CNOT11: variants seen among roughly 807,000 people sequenced by gnomAD.
CNOT11 encodes CCR4-NOT transcription complex subunit 11.
Under a neutral mutation model 44.6 loss-of-function variants are expected in CNOT11, and 18 were observed. The ratio of observed to expected loss-of-function variants is 0.40; its 90% CI spans 0.28 to 0.60. CNOT11 has a LOEUF of 0.60. CNOT11 is among the 20% of genes least tolerant of loss of function. The pLI is 0.38. For missense variants in CNOT11, 513 were observed against 677.0 expected, an observed-to-expected ratio of 0.76 and a Z score of 2.69; for synonymous variants, 291 against 270.9, an observed-to-expected ratio of 1.07 and a Z score of -0.73.
intron 1 of CNOT11, among the ~76,000 whole-genome samples, chr2:101,255,223 C>T (rs911097110): frequency 6.6e-6 from 1 of 151,752 alleles, no homozygotes; most frequent in Non-Finnish European, 1.5e-5. Flanking sequence ...GGGCTGGGCG[C>T]GGTGGCTCAC....
Position 101,253,540 on chromosome 2 carries a change from G to C in CNOT11, c.514+62G>C. On this transcript the variant is annotated intron_variant, in intron 1 of 6. Transcript: ENST00000289382. This position sits in a 1 kb window ranked among gnomAD's most constrained non-coding sequence, Gnocchi z 4.3. ...TTAGATTCCGCAGCTTTCCACCTGC[G>C]CTGCTGGGAACTCACCTGAAAGGGA... 1 of 1,334,334 alleles carries C rather than the reference G, an allele frequency of 7.5e-7. No individual in the cohort carries two copies. 82.7% of individuals were successfully genotyped at this position (1,334,334 alleles called of 1,614,324 possible).
At chr2:101,264,047 T>C (rs1428699922) in intron 3 of CNOT11, among the ~76,000 whole-genome samples, 1 of 152,208 alleles carries the variant, frequency 6.6e-6, no homozygotes, top group African/African-American at 2.4e-5. Context: ...AACTAAAAAA[T>C]ATTTTCTGTA....
chr2:101,266,933 A>C, intron 5 of CNOT11, 54 bp downstream of exon 5: 1 of 1,323,462 alleles, frequency 7.6e-7, no homozygotes, highest in Non-Finnish European at 1.1e-6. Context: ...TTAGATGGCC[A>C]GGAAAGAAAA....
At position 101,270,254 on chromosome 2, in the gene CNOT11, C is replaced by A. The variant is rs922307685; in HGVS notation, c.*841C>A. 1.3e-5 allele frequency: 2 copies of A among 152,420 alleles called. No homozygotes were observed. Among genetic ancestry groups the A allele is most frequent in the Admixed American group, 1.3e-4 (2 of 15,260 alleles). The allele number at this position is 152,420 out of a possible 1,614,324, so 9.4% of individuals were successfully genotyped here. On this transcript the variant is annotated 3_prime_UTR_variant, in exon 7 of 7. Transcript: ENST00000289382. ...AGAGCAGGGTGGTACCGTGTGGGCT[C>A]TTACCCTTTATGTGATTTTGGACAA...
chr2:101,266,995 G>A, intron 5 of CNOT11, 116 bp downstream of exon 5: 2 of 714,298 alleles, frequency 2.8e-6, no homozygotes, highest in Non-Finnish European at 4.7e-6. Flanking sequence ...AACTATTAAA[G>A]AAATAATGTA....
At chr2:101,268,655 C>A (rs572664851) in intron 5 of CNOT11, among the ~76,000 whole-genome samples, 15 of 152,300 alleles carry the variant, frequency 9.8e-5, no homozygotes, top group South Asian at 2.1e-4. Context: ...ACTTTGAGTA[C>A]GGAATTCCTG....
Position 101,264,337 on chromosome 2 carries a change from A to G in CNOT11, c.833-508A>G, listed in dbSNP as rs115150628. Among the ~76,000 whole-genome samples, 372 of 152,326 alleles carry G rather than the reference A, an allele frequency of 2.4e-3. 2 individuals are homozygous for G. The highest frequency in any genetic ancestry group is 8.7e-3 in the African/African-American group (363 of 41,560). On this transcript the variant is annotated intron_variant, in intron 3 of 6. Transcript: ENST00000289382. Reference sequence around the variant, plus strand: ...TGACGGTTTCCACATTCGTTTCGAAATATCAAAAGGCAACCATACTTTTCC... The same window carrying G: ...TGACGGTTTCCACATTCGTTTCGAAGTATCAAAAGGCAACCATACTTTTCC...
Position 101,269,473 on chromosome 2 carries a change from C to T in CNOT11, c.*60C>T, listed in dbSNP as rs189041126. ...CAGCTGTACTGTGATTTAGTTTTTA[C>T]ACCGTTAAAACCCTGAGTGGATTGC... On this transcript the variant is annotated 3_prime_UTR_variant, in exon 7 of 7. Coordinates refer to ENST00000289382, the MANE Select transcript of CNOT11 (RefSeq NM_017546.5). The surrounding 1 kb of genome is among the most constrained non-coding windows in gnomAD (Gnocchi z 4.8). 1.2e-4 allele frequency: 173 copies of T among 1,474,490 alleles called. No homozygotes were observed. The highest frequency in any genetic ancestry group is 2.2e-4 in the Admixed American group (13 of 58,608). The allele number at this position is 1,474,490 out of a possible 1,614,324, so 91.3% of individuals were successfully genotyped here. A position where few individuals can be genotyped will look rare whatever the true frequency, so the allele number is the denominator to read the frequency against.
At chr2:101,255,221 C>T (rs1253668470) in intron 1 of CNOT11, among the ~76,000 whole-genome samples, 2 of 152,172 alleles carry the variant, frequency 1.3e-5, no homozygotes, top group Non-Finnish European at 2.9e-5. Flanking sequence ...GTGGGCTGGG[C>T]GCGGTGGCTC....
In CNOT11 at chr2:101,269,260, C is replaced by A; in HGVS notation, c.1380C>A (p.Ile460=). ...TGTGTGTGTTTCTCCAATCCTTGAT[C>A]CGTAACAAAATTATTAATGTACAGG... ...RLVCVFLQSL[I]RNKIINVQDL... Residue 460 remains isoleucine, a synonymous_variant, in exon 7 of 7, where the codon ATC becomes ATA. Transcript: ENST00000289382. This position sits in a 1 kb window ranked among gnomAD's most constrained non-coding sequence, Gnocchi z 4.8. The A allele has an allele frequency of 6.2e-7, 1 of 1,613,506 alleles. No individual in the cohort carries two copies. Among genetic ancestry groups the A allele is most frequent in the Non-Finnish European group, 8.5e-7 (1 of 1,179,906 alleles).
At chr2:101,259,297 T>G (rs1232966112) in intron 2 of CNOT11, among the ~76,000 whole-genome samples, 3 of 152,266 alleles carry the variant, frequency 2.0e-5, no homozygotes, top group Admixed American at 2.0e-4. Context: ...AGCTTTGTAC[T>G]AAGTTTTGAA....
chr2:101,260,167 T>C (rs967435315), intron 2 of CNOT11, among the ~76,000 whole-genome samples: 3 of 152,198 alleles, frequency 2.0e-5, no homozygotes, highest in African/African-American at 7.2e-5. Context: ...GTGCCAGATA[T>C]AATTTAATAG....
chr2:101,262,605 C>T lies in CNOT11; in HGVS notation c.746C>T (p.Pro249Leu), dbSNP rs994291362. 3.1e-6 allele frequency: 5 copies of T among 1,614,088 alleles called. No individual in the cohort carries two copies. Among genetic ancestry groups the T allele is most frequent in the African/African-American group, 1.3e-5 (1 of 75,024 alleles). Reference protein sequence around the residue: ...SFPSILSDPDPDSSNSGFDSS... With the variant: ...SFPSILSDPDLDSSNSGFDSS... Reference sequence around the variant, plus strand: ...CCCAGTATTCTCAGTGACCCAGACCCGGATTCTTCTAATTCTGGATTTGAC... The same window carrying T: ...CCCAGTATTCTCAGTGACCCAGACCTGGATTCTTCTAATTCTGGATTTGAC... The change falls in exon 3 of 7, where the codon CCG (proline) becomes CTG (leucine). Residue 249 changes from proline (P) to leucine (L), a missense_variant. Physicochemically the swap from Pro to Leu is moderately conservative, Grantham distance 98 (BLOSUM62 -3). This residue lies in a region of CNOT11 where 140 missense variants were observed against 169.8 expected (regional missense o/e 0.82). Transcript: ENST00000289382.
chr2:101,264,432 C>T (rs1428768904), intron 3 of CNOT11, among the ~76,000 whole-genome samples: 1 of 152,178 alleles, frequency 6.6e-6, no homozygotes, highest in African/African-American at 2.4e-5. Context: ...TAGTACAAAT[C>T]ATAGTGGCAG....
In CNOT11 at chr2:101,262,545, A is replaced by G. The variant is rs773816265; in HGVS notation, c.686A>G (p.Gln229Arg). ...SGLQLALAERQSELPTQSKAS... is the reference protein window; with the variant it reads ...SGLQLALAERRSELPTQSKAS... Reference sequence around the variant, plus strand: ...AAATGTCTCCTATTTCCAGAACGCCAATCTGAATTGCCAACGCAAAGCAAA... The same window carrying G: ...AAATGTCTCCTATTTCCAGAACGCCGATCTGAATTGCCAACGCAAAGCAAA... The change falls in exon 3 of 7, where the codon CAA becomes CGA. Residue 229 changes from glutamine to arginine, a missense_variant. By Grantham distance (43) the Gln-to-Arg change is conservative. This residue lies in a region of CNOT11 where 140 missense variants were observed against 169.8 expected (regional missense o/e 0.82). Coordinates refer to ENST00000289382, the MANE Select transcript of CNOT11 (RefSeq NM_017546.5). 1 of 1,613,902 alleles carries G rather than the reference A, an allele frequency of 6.2e-7. No individual in the cohort carries two copies. The highest frequency in any genetic ancestry group is 8.5e-7 in the Non-Finnish European group (1 of 1,179,934).
chr2:101,253,225 C>T lies in CNOT11; in HGVS notation c.261C>T (p.Gly87=). ...EEAGGGSTFE[G]LSTAFHHYFS... ...CGGGCGGCGGCAGCACCTTCGAGGG[C>T]CTGTCCACCGCCTTCCACCACTACT... Residue 87 remains glycine (G), a synonymous_variant, in exon 1 of 7, where the codon GGC becomes GGT. Coordinates refer to ENST00000289382, the MANE Select transcript of CNOT11 (RefSeq NM_017546.5). This position sits in a 1 kb window ranked among gnomAD's most constrained non-coding sequence, Gnocchi z 4.3. 1 of 1,610,246 alleles carries T rather than the reference C, an allele frequency of 6.2e-7. No individual in the cohort carries two copies. Among genetic ancestry groups the T allele is most frequent in the Non-Finnish European group, 8.5e-7 (1 of 1,179,136 alleles).
intron 2 of CNOT11, among the ~76,000 whole-genome samples, chr2:101,259,008 C>T (rs144127224): frequency 9.9e-5 from 15 of 151,950 alleles, no homozygotes; most frequent in Non-Finnish European, 1.9e-4. Context: ...GTGGTGCATG[C>T]CTGTGGTCTC....
intron 2 of CNOT11, among the ~76,000 whole-genome samples, chr2:101,258,891 G>GA (rs1482862072): frequency 1.3e-5 from 2 of 152,028 alleles, no homozygotes; most frequent in East Asian, 3.8e-4. Flanking sequence ...GTAATCTTTG[G>GA]GAGAGGCCAA....
Position 101,253,056 on chromosome 2 carries a change from G to A in CNOT11, c.92G>A (p.Arg31Lys), listed in dbSNP as rs1237401472. The A allele has an allele frequency of 4.6e-6, 7 of 1,517,554 alleles. No individual in the cohort carries two copies. In the Admixed American group the frequency reaches 1.4e-4, roughly 31 times the overall value. The allele number at this position is 1,517,554 out of a possible 1,614,324, so 94.0% of individuals were successfully genotyped here. A position where few individuals can be genotyped will look rare whatever the true frequency, so the allele number is the denominator to read the frequency against. ...CGGGAAGCGGCAGGGTCGGCGTCCA[G>A]GAGCGGCTTCGGGGGCTCCGGCGGC... ...GSREAAGSAS[R>K]SGFGGSGGGR... Residue 31 changes from arginine (R) to lysine (K), a missense_variant, in exon 1 of 7, where the codon AGG becomes AAG. Transcript: ENST00000289382. This position sits in a 1 kb window ranked among gnomAD's most constrained non-coding sequence, Gnocchi z 4.3.
Sources: allele counts gnomAD v4.1 joint callset (sites outside exome capture counted in the v4.1 genomes callset), GRCh38; gene constraint gnomAD v4.1.1; regional missense constraint gnomAD v4.1.1; non-coding constraint Gnocchi (gnomAD v3.1); transcripts MANE v1.5; gene names NCBI Gene and HGNC (gene_info 2026-07-23, HGNC 2026-07-21).